WNK3: variants seen among roughly 807,000 people sequenced by gnomAD.
The protein encoded by WNK3 is serine/threonine-protein kinase WNK3.
A neutral mutation model predicts 116.7 loss-of-function variants in WNK3; 18 were observed. That is an observed-to-expected ratio of 0.15 (90% CI 0.11 to 0.23). The LOEUF (loss-of-function observed/expected upper bound fraction) is 0.23. Ranked by LOEUF, WNK3 falls within the 10% of genes least tolerant of loss-of-function variation. WNK3 has a pLI of 1.00. For missense variants in WNK3, 993 were observed against 1,323.8 expected (o/e 0.75, Z 3.88); for synonymous variants, 404 against 469.4 (o/e 0.86, Z 1.80).
rs1466727816 is a variant in WNK3, at chrX:54,198,773, A to C, written c.5074-120T>G. On this transcript the variant is annotated intron_variant, in intron 23 of 23. Transcript: ENST00000354646. The stretch of plus-strand genomic sequence containing the variant: ...GCTGCACAAATGAATATTCCTTCCT[A>C]GTCTTTTTGGCATACTATTCCTATT... 5.3e-6 allele frequency: 3 copies of C among 566,266 alleles called. No individual in the cohort carries two copies. In the African/African-American group the frequency reaches 7.1e-5, roughly 13 times the overall value. The allele number at this position is 566,266 out of a possible 1,213,427, so 46.7% of individuals were successfully genotyped here.
chrX:54,295,610 G>A (rs1295785491), intron 7 of WNK3, among the ~76,000 whole-genome samples: 2 of 112,131 alleles, frequency 1.8e-5, no homozygotes, highest in African/African-American at 6.5e-5. Context: ...GAAATGAGCT[G>A]CTGTAAAAGT....
chrX:54,247,313 T>C (rs2068083021), intron 17 of WNK3, among the ~76,000 whole-genome samples: 1 of 111,266 alleles, frequency 9.0e-6, no homozygotes. Flanking sequence ...TTATGTGATA[T>C]TTATTATTTA....
chrX:54,263,481 T>C (rs970044366), intron 10 of WNK3, among the ~76,000 whole-genome samples: 1 of 112,199 alleles, frequency 8.9e-6, no homozygotes, highest in African/African-American at 3.2e-5. Flanking sequence ...TGAAAACCTA[T>C]ATATCTAACA....
At chrX:54,238,246 A>C in intron 19 of WNK3, 96 bp downstream of exon 19, 1 of 1,030,835 alleles carries the variant, frequency 9.7e-7, no homozygotes. Context: ...AAAAAATAAA[A>C]ACAAAAATGG....
At chrX:54,224,624 C>CTCTGTCGCCCAGGCTGG (rs2067810987) in intron 22 of WNK3, among the ~76,000 whole-genome samples, 1 of 107,983 alleles carries the variant, frequency 9.3e-6, no homozygotes, top group African/African-American at 3.4e-5. Context: ...GGCTGGAGTG[C>CTCTGTCGCCCAGGCTGG]AGTGGCAAGA....
intron 23 of WNK3, among the ~76,000 whole-genome samples, chrX:54,199,385 T>C (rs2067479174): frequency 9.0e-6 from 1 of 111,021 alleles, no homozygotes; most frequent in Non-Finnish European, 1.9e-5. Flanking sequence ...TCCAGACCAG[T>C]TAAGAGTTAC....
intron 2 of WNK3, among the ~76,000 whole-genome samples, chrX:54,329,336 T>C (rs2069140424): frequency 8.9e-6 from 1 of 111,804 alleles, no homozygotes; most frequent in South Asian, 3.7e-4. Flanking sequence ...CAGAGGTGAA[T>C]GATAGAAGTC....
intron 22 of WNK3, among the ~76,000 whole-genome samples, chrX:54,204,497 T>C (rs2067532823): frequency 9.0e-6 from 1 of 110,974 alleles, no homozygotes; most frequent in African/African-American, 3.3e-5. Flanking sequence ...TATACAAGAG[T>C]TTTAAAACAA....
At chrX:54,313,901 C>T (rs1337757142) in intron 2 of WNK3, among the ~76,000 whole-genome samples, 1 of 109,953 alleles carries the variant, frequency 9.1e-6, no homozygotes, top group Non-Finnish European at 1.9e-5. Flanking sequence ...ATTAACATTG[C>T]CACTTTGGGG....
At chrX:54,226,707 G>A (rs1247501488) in intron 22 of WNK3, among the ~76,000 whole-genome samples, 3 of 108,000 alleles carry the variant, frequency 2.8e-5, no homozygotes, top group Non-Finnish European at 5.7e-5. Context: ...GGGGTGTGGT[G>A]CCACGCGCCT....
At chrX:54,256,364 C>A (rs1296908118) in intron 11 of WNK3, among the ~76,000 whole-genome samples, 4 of 111,441 alleles carry the variant, frequency 3.6e-5, no homozygotes, top group African/African-American at 1.3e-4. Context: ...ACAGGGTAGA[C>A]CAGGTATGGG....
intron 20 of WNK3, among the ~76,000 whole-genome samples, chrX:54,234,098 G>T (rs1557149656): frequency 9.1e-6 from 1 of 109,994 alleles, no homozygotes; most frequent in Admixed American, 9.7e-5. Context: ...TCTAGGCCAG[G>T]CATGGTGTCT....
chrX:54,352,460 G>C (rs960700499), intron 1 of WNK3, among the ~76,000 whole-genome samples: 27 of 111,089 alleles, frequency 2.4e-4, no homozygotes, highest in African/African-American at 8.8e-4. Flanking sequence ...GATCACTTGA[G>C]CTCAGGAGTT....
chrX:54,215,155 A>T (rs2067672005), intron 22 of WNK3, among the ~76,000 whole-genome samples: 1 of 101,133 alleles, frequency 9.9e-6, no homozygotes, highest in Non-Finnish European at 2.0e-5. Context: ...TCTCCAGTGC[A>T]CAGTCAATAT....
intron 2 of WNK3, among the ~76,000 whole-genome samples, chrX:54,318,880 G>A (rs1278441390): frequency 9.1e-6 from 1 of 109,407 alleles, no homozygotes; most frequent in Non-Finnish European, 1.9e-5. Context: ...GGGATCAAGC[G>A]ATTCTCGTGC....
intron 10 of WNK3, among the ~76,000 whole-genome samples, chrX:54,265,001 A>G (rs1557157340): frequency 5.4e-5 from 6 of 111,384 alleles, no homozygotes. Flanking sequence ...GCAGCCCTGC[A>G]TGTTGGAGAT....
intron 10 of WNK3, among the ~76,000 whole-genome samples, chrX:54,280,660 T>G (rs1461483697): frequency 8.9e-6 from 1 of 112,199 alleles, no homozygotes; most frequent in Non-Finnish European, 1.9e-5. Context: ...GCCATTTTCC[T>G]AGGCGAACTA....
At chrX:54,275,310 C>T (rs1244432927) in intron 10 of WNK3, among the ~76,000 whole-genome samples, 1 of 109,319 alleles carries the variant, frequency 9.1e-6, no homozygotes, top group African/African-American at 3.3e-5. Context: ...AGTGAGACTC[C>T]GGCTCAGAAA....
rs782614670 is a variant in WNK3 at position 54,287,442 on chromosome X, T to C, written c.2037+5446A>G. Among the ~76,000 whole-genome samples the C allele has an allele frequency of 7.2e-5, 8 of 111,652 alleles. No homozygotes were observed. The East Asian group carries it at 2.2e-3, about 31-fold the overall frequency. On this transcript the variant is annotated intron_variant, in intron 10 of 23. Transcript: ENST00000354646. ...TATTTCCTTCAAGTGTCTGCTCAAATGTTACCTTCTCAATGAGACCTACTC... is the reference window on the plus strand; with the variant it reads ...TATTTCCTTCAAGTGTCTGCTCAAACGTTACCTTCTCAATGAGACCTACTC...
Sources: gnomAD v4.1 joint callset for allele counts (sites outside exome capture counted in the v4.1 genomes callset) on GRCh38, gnomAD v4.1.1 for gene constraint, MANE v1.5 for transcripts, NCBI Gene and HGNC (gene_info 2026-07-23, HGNC 2026-07-21) for gene names.